The following CADM2 variants were observed in gnomAD, a reference collection of about 807,000 sequenced individuals.
CADM2 encodes the protein cell adhesion molecule 2, also known as immunoglobulin superfamily member 4D.
In CADM2, 12 loss-of-function variants were observed where a neutral mutation model predicts 49.8. The observed-to-expected ratio is 0.24, with a 90% CI of 0.15 to 0.39. The LOEUF (loss-of-function observed/expected upper bound fraction) is 0.39, where lower values mean the gene tolerates loss of function less well. Among genes scored for constraint, CADM2 ranks in the 10% least tolerant of loss-of-function variants. CADM2 has a pLI of 1.00. For missense variants in CADM2, 378 were observed against 492.3 expected (o/e 0.77, Z 2.20); for synonymous variants, 214 against 175.4 (o/e 1.22, Z -1.74).
At chr3:85,290,975 C>T (rs1371656096) in intron 1 of CADM2, among the ~76,000 whole-genome samples, 30 of 152,082 alleles carry the variant, frequency 2.0e-4, no homozygotes, top group African/African-American at 2.2e-4. Flanking sequence ...AGGCTTCAGA[C>T]GATCAAATTA....
intron 1 of CADM2, among the ~76,000 whole-genome samples, chr3:85,021,144 A>G (rs1202639965): frequency 6.6e-6 from 1 of 151,426 alleles, no homozygotes; most frequent in African/African-American, 2.4e-5. Flanking sequence ...GGGGGAAAAA[A>G]AAGAAAAAAA....
At position 85,807,556 on chromosome 3, in the gene CADM2, T is replaced by G. The variant is rs1206260131; in HGVS notation, c.238+5360T>G. ...GAAGAATATATTATAATCAGCATTG[T>G]CCACGAGAACATTCCATGATGATGG... On this transcript the variant is annotated intron_variant, in intron 3 of 9. Coordinates refer to ENST00000383699, the MANE Select transcript of CADM2 (RefSeq NM_001167675.2). 6.6e-5 allele frequency among the ~76,000 whole-genome samples: 10 copies of G among 151,790 alleles called. No individual in the cohort carries two copies. The South Asian group carries it at 1.0e-3, about 16-fold the overall frequency.
At chr3:85,264,805 A>G (rs932426621) in intron 1 of CADM2, among the ~76,000 whole-genome samples, 12 of 152,096 alleles carry the variant, frequency 7.9e-5, no homozygotes, top group Admixed American at 6.6e-4. Flanking sequence ...AATATAATTT[A>G]AATTTTACAT....
intron 3 of CADM2, among the ~76,000 whole-genome samples, chr3:85,863,412 AT>A (rs1301520134): frequency 1.3e-5 from 2 of 152,130 alleles, no homozygotes; most frequent in Admixed American, 1.3e-4. Flanking sequence ...TGCCAATGTA[AT>A]TGCATTGGGA....
chr3:85,176,757 C>A (rs2040797457), intron 1 of CADM2, among the ~76,000 whole-genome samples: 1 of 152,076 alleles, frequency 6.6e-6, no homozygotes, highest in South Asian at 2.1e-4. Flanking sequence ...AAAGATAAAG[C>A]TGGAAAAATT....
chr3:86,001,950 A>C (rs1730239894), intron 8 of CADM2, among the ~76,000 whole-genome samples: 1 of 152,122 alleles, frequency 6.6e-6, no homozygotes, highest in South Asian at 2.1e-4. Flanking sequence ...TATGGAGGAT[A>C]AAATTATGAA....
chr3:85,320,621 C>A (rs2044574347), intron 1 of CADM2, among the ~76,000 whole-genome samples: 2 of 152,244 alleles, frequency 1.3e-5, no homozygotes, highest in South Asian at 2.1e-4. Context: ...ATTCTATACG[C>A]ATTTATATTG....
intron 1 of CADM2, among the ~76,000 whole-genome samples, chr3:85,634,452 A>G (rs1008328627): frequency 2.0e-5 from 3 of 151,958 alleles, no homozygotes; most frequent in Non-Finnish European, 4.4e-5. Flanking sequence ...AAGTATATAT[A>G]ATTGAACCTA....
chr3:85,795,369 T>G (rs946859483), intron 2 of CADM2, among the ~76,000 whole-genome samples: 4 of 152,172 alleles, frequency 2.6e-5, no homozygotes, highest in Non-Finnish European at 4.4e-5. Context: ...GCTTTTGAAT[T>G]GATTTTGGAA....
At chr3:85,830,904 C>A (rs1559688072) in intron 3 of CADM2, among the ~76,000 whole-genome samples, 1 of 151,316 alleles carries the variant, frequency 6.6e-6, no homozygotes, top group East Asian at 2.0e-4. Context: ...GAATTGCATG[C>A]TGCTCAGGCT....
At chr3:86,003,868 T>C (rs933008044) in intron 8 of CADM2, among the ~76,000 whole-genome samples, 3 of 152,212 alleles carry the variant, frequency 2.0e-5, no homozygotes, top group Admixed American at 6.5e-5. Context: ...CTGCTGATTA[T>C]TACTATGTAG....
chr3:85,435,841 C>G (rs1439099103), intron 1 of CADM2, among the ~76,000 whole-genome samples: 1 of 151,814 alleles, frequency 6.6e-6, no homozygotes, highest in African/African-American at 2.4e-5. Context: ...GTTCGCTTCT[C>G]TTTTTCACCC....
At chr3:85,208,815 GAAC>G (rs2041710794) in intron 1 of CADM2, among the ~76,000 whole-genome samples, 3 of 152,054 alleles carry the variant, frequency 2.0e-5, no homozygotes, top group African/African-American at 7.2e-5. Context: ...GGTGCAGTTG[GAAC>G]AACAAGCATA....
chr3:85,975,732 T>G (rs752283433), intron 8 of CADM2, among the ~76,000 whole-genome samples: 2 of 151,760 alleles, frequency 1.3e-5, no homozygotes, highest in East Asian at 1.9e-4. Context: ...TTGGTTAAAT[T>G]AATACACTCT....
At chr3:85,525,370 A>G (rs887364820) in intron 1 of CADM2, among the ~76,000 whole-genome samples, 3 of 152,148 alleles carry the variant, frequency 2.0e-5, no homozygotes, top group Non-Finnish European at 2.9e-5. Flanking sequence ...TCAGATCTTT[A>G]GTTTTAATCT....
At chr3:85,570,434 G>C (rs570614107) in intron 1 of CADM2, among the ~76,000 whole-genome samples, 7 of 152,122 alleles carry the variant, frequency 4.6e-5, no homozygotes, top group Admixed American at 1.3e-4. Flanking sequence ...CATTTTTAAG[G>C]AGATGAGCTA....
intron 8 of CADM2, among the ~76,000 whole-genome samples, chr3:86,017,792 G>A (rs1732486553): frequency 6.7e-6 from 1 of 149,392 alleles, no homozygotes; most frequent in African/African-American, 2.4e-5. Flanking sequence ...AATTGCAATT[G>A]GCTTAGGAAA....
At chr3:85,029,434 T>A (rs17420520) in intron 1 of CADM2, among the ~76,000 whole-genome samples, 13,699 of 152,324 alleles carry the variant, frequency 0.09, 837 homozygotes, top group Non-Finnish European at 0.14. Flanking sequence ...TCTTAAATGA[T>A]GTCCACCTGA....
intron 2 of CADM2, among the ~76,000 whole-genome samples, chr3:85,795,221 A>G (rs2071551370): frequency 6.6e-6 from 1 of 152,116 alleles, no homozygotes; most frequent in South Asian, 2.1e-4. Context: ...TTCTTTGGAA[A>G]GACTCTAAGA....
Sources: allele counts gnomAD v4.1 joint callset (sites outside exome capture counted in the v4.1 genomes callset), GRCh38; gene constraint gnomAD v4.1.1; transcripts MANE v1.5; gene names NCBI Gene and HGNC (gene_info 2026-07-23, HGNC 2026-07-21).